CAPN12: variants seen among roughly 807,000 people sequenced by gnomAD.
CAPN12 encodes the protein calpain-12.
In CAPN12, 107 loss-of-function variants were observed where a neutral mutation model predicts 95.0. The ratio of observed to expected loss-of-function variants is 1.13; its 90% CI spans 0.96 to 1.32. CAPN12 has a LOEUF of 1.32. Ranked by LOEUF, CAPN12 falls within the 40% of genes most tolerant of loss-of-function variation. The probability of loss-of-function intolerance (pLI) is 0.00; values close to 1 mark genes in which losing one functional copy is unlikely to be tolerated. For synonymous variants in CAPN12, 505 were observed against 415.5 expected (o/e 1.22, Z -2.62); for missense variants, 1,136 against 997.8 (o/e 1.14, Z -1.87).
At position 38,731,115 on chromosome 19, in the gene CAPN12, CAGGTG is replaced by C; in HGVS notation, c.2061_2065del (p.Thr688HisfsTer13). ...GCCGGGGTGGTACTCACAGAAGATGCAGGTGAGGTGGGCCACACAGGACACGAACC... is the reference window on the plus strand; with the variant it reads ...GCCGGGGTGGTACTCACAGAAGATGCAGGTGGGCCACACAGGACACGAACC... On this transcript the variant is annotated frameshift_variant, in exon 19 of 21. Transcript: ENST00000328867. LOFTEE classifies it high-confidence loss of function. The C allele has an allele frequency of 6.2e-7, 1 of 1,611,436 alleles. No individual in the cohort carries two copies. The highest frequency in any genetic ancestry group is 8.5e-7 in the Non-Finnish European group (1 of 1,179,306).
chr19:38,736,897 TG>T, intron 10 of CAPN12: 1 of 464,700 alleles, frequency 2.2e-6, no homozygotes, highest in Non-Finnish European at 3.8e-6. Context: ...CTCTGAGACC[TG>T]GCCCCCCAGC....
chr19:38,742,999 G>T (rs1970649744), intron 2 of CAPN12, 34 bp downstream of exon 2: 2 of 1,608,102 alleles, frequency 1.2e-6, no homozygotes, highest in Non-Finnish European at 1.7e-6. Flanking sequence ...AAACTAGCTG[G>T]ATCTGAGGAC....
intron 14 of CAPN12, chr19:38,735,095 G>A (rs1599894432): frequency 4.9e-6 from 3 of 606,758 alleles, no homozygotes; most frequent in East Asian, 5.5e-5. Flanking sequence ...GGGGTGGTCA[G>A]GGAGAGCTTC....
In CAPN12 at chr19:38,730,292, CAT is replaced by C. The variant is rs1969477039; in HGVS notation, c.*558_*559del. On this transcript the variant is annotated 3_prime_UTR_variant, in exon 21 of 21. Coordinates refer to ENST00000328867, the MANE Select transcript of CAPN12 (RefSeq NM_144691.4). ...GTCTCTCCTGCTCTCATAATGAAGA[CAT>C]AGCCGATTCTCTGCCCGGGCCCCTT... 1 of 162,962 alleles carries C rather than the reference CAT, an allele frequency of 6.1e-6. No homozygotes were observed. The highest frequency in any genetic ancestry group is 5.8e-5 in the Admixed American group (1 of 17,258). 10.1% of individuals were successfully genotyped at this position (162,962 alleles called of 1,614,324 possible). A position where few individuals can be genotyped will look rare whatever the true frequency, so the allele number is the denominator to read the frequency against.
At position 38,736,697 on chromosome 19, in the gene CAPN12, C is replaced by A; in HGVS notation, c.1363-134G>T. On this transcript the variant is annotated intron_variant, in intron 10 of 20. Coordinates refer to ENST00000328867, the MANE Select transcript of CAPN12 (RefSeq NM_144691.4). ...CTATTAGACCCTTATTGAACCTTTGCCCCGCAGTCCCCGACCCAGGCCCTC... is the reference window on the plus strand; with the variant it reads ...CTATTAGACCCTTATTGAACCTTTGACCCGCAGTCCCCGACCCAGGCCCTC... 8.1e-6 allele frequency: 9 copies of A among 1,107,798 alleles called. 1 individual carries two copies. Among genetic ancestry groups the A allele is most frequent in the Non-Finnish European group, 1.1e-5 (9 of 792,282 alleles). 68.6% of individuals were successfully genotyped at this position (1,107,798 alleles called of 1,614,324 possible). A position where few individuals can be genotyped will look rare whatever the true frequency, so the allele number is the denominator to read the frequency against.
intron 18 of CAPN12, chr19:38,731,558 T>G (rs1403312077): frequency 2.7e-6 from 1 of 369,532 alleles, no homozygotes; most frequent in East Asian, 5.2e-5. Context: ...GATATTTCTG[T>G]GCAGCAAAAA....
chr19:38,735,596 C>A (rs1303390807), intron 12 of CAPN12, 52 bp from the exon 13 acceptor site: 1 of 1,582,962 alleles, frequency 6.3e-7, no homozygotes, highest in Non-Finnish European at 8.6e-7. Flanking sequence ...CCAGCTGGGG[C>A]TGTGTGGGAC....
rs1364349322 is a variant in CAPN12 at position 38,731,020 on chromosome 19, T to G, written c.2078A>C (p.His693Pro). The change falls in exon 20 of 21, where the codon CAC (histidine) becomes CCC (proline). Residue 693 changes from histidine (H) to proline (P), a missense_variant. His to Pro is a moderately conservative substitution (Grantham distance 77). Transcript: ENST00000328867. ...ACCCCCATCCAGGTGCTGGCTGCAGTGGCCTGTGCAGAGAGGGGCAGGGTG... is the reference window on the plus strand; with the variant it reads ...ACCCCCATCCAGGTGCTGGCTGCAGGGGCCTGTGCAGAGAGGGGCAGGGTG... ...CVAHLTCIFCHCSQHLDGGEG... is the reference protein window; with the variant it reads ...CVAHLTCIFCPCSQHLDGGEG... 1 of 1,554,168 alleles carries G rather than the reference T, an allele frequency of 6.4e-7. No homozygotes were observed. Among genetic ancestry groups the G allele is most frequent in the South Asian group, 1.2e-5 (1 of 84,450 alleles).
chr19:38,738,768 G>T (rs1352683375), intron 5 of CAPN12, 120 bp from the exon 6 acceptor site: 2 of 795,050 alleles, frequency 2.5e-6, no homozygotes, highest in African/African-American at 1.7e-5. Flanking sequence ...TGAATGGCAC[G>T]CAGCTCAGAG....
In CAPN12 at chr19:38,737,270, C is replaced by A. The variant is rs751118290; in HGVS notation, c.1248G>T (p.Ala416=). 1.9e-6 allele frequency: 3 copies of A among 1,545,472 alleles called. No homozygotes were observed. The highest frequency in any genetic ancestry group is 2.6e-6 in the Non-Finnish European group (3 of 1,145,636). The stretch of plus-strand genomic sequence containing the variant: ...TGCACTTGGGCGTGCGGCCCCCCCG[C>A]GCTGGGCCCCGTGCCCCTGCAGCCC... ...GWGAAGARGP[A]RGGRTPKCTV... is the part of the protein sequence containing the mutation. The change falls in exon 10 of 21, where the codon GCG becomes GCT. Residue 416 remains alanine, a synonymous_variant. Transcript: ENST00000328867.
Position 38,730,523 on chromosome 19 carries a change from TAAG to T in CAPN12, c.*326_*328del, listed in dbSNP as rs1334298190. On this transcript the variant is annotated 3_prime_UTR_variant, in exon 21 of 21. Coordinates refer to ENST00000328867, the MANE Select transcript of CAPN12 (RefSeq NM_144691.4). ...AGGATAATAAAACATGTAATATTTT[TAAG>T]AAGGATTCCTGCAGCATCATCTTTT... The T allele has an allele frequency of 1.8e-5, 7 of 397,864 alleles. No individual in the cohort carries two copies. The highest frequency in any genetic ancestry group is 1.6e-4 in the South Asian group (4 of 24,524). 24.6% of individuals were successfully genotyped at this position (397,864 alleles called of 1,614,324 possible).
At chr19:38,731,493 G>C in intron 18 of CAPN12, 2 of 520,242 alleles carry the variant, frequency 3.8e-6, no homozygotes, top group South Asian at 4.3e-5. Flanking sequence ...CGATGTGTGG[G>C]TACTGTTACT....
In CAPN12 at chr19:38,730,840, C is replaced by T; in HGVS notation, c.*12G>A. On this transcript the variant is annotated 3_prime_UTR_variant, in exon 21 of 21. Transcript: ENST00000328867. ...CCCTGCCCTGAGCAGCAGGTGCGCC[C>T]ATCCGGAGATCCTAGGAGAAGGTGG... 1.9e-6 allele frequency: 3 copies of T among 1,550,962 alleles called. No homozygotes were observed. The highest frequency in any genetic ancestry group is 2.6e-6 in the Non-Finnish European group (3 of 1,147,208).
At position 38,739,999 on chromosome 19, in the gene CAPN12, G is replaced by A. The variant is rs1970451949; in HGVS notation, c.729+52C>T. 5 of 1,489,484 alleles carry A rather than the reference G, an allele frequency of 3.4e-6. No homozygotes were observed. In the South Asian group the frequency reaches 6.9e-5, roughly 20 times the overall value. The allele number at this position is 1,489,484 out of a possible 1,614,324, so 92.3% of individuals were successfully genotyped here. On this transcript the variant is annotated intron_variant, in intron 5 of 20. Coordinates refer to ENST00000328867, the MANE Select transcript of CAPN12 (RefSeq NM_144691.4). ...ACTCCGCCCACCCCACCACACCCCT[G>A]ACTGTGCTCTGGTCCTGGTGGGGGT...
At chr19:38,740,836 G>A (rs1432295406) in intron 4 of CAPN12, among the ~76,000 whole-genome samples, 2 of 151,920 alleles carry the variant, frequency 1.3e-5, no homozygotes, top group Non-Finnish European at 2.9e-5. Context: ...TTGACGGGGG[G>A]AACTGTGGCA....
intron 11 of CAPN12, 57 bp downstream of exon 11, chr19:38,736,494 CA>C: frequency 3.8e-6 from 6 of 1,568,426 alleles, no homozygotes; most frequent in African/African-American, 1.4e-5. Flanking sequence ...GCAGGTTGAC[CA>C]AGCCCCAGGG....
rs902358711 is a variant in CAPN12, at chr19:38,730,728, GGCCAGAGACTAGCCCCAGACAGGTGGAT to G, written c.*96_*123del. ...TGGTCACCCGGCCGTGAGCAGTGAG[GGCCAGAGACTAGCCCCAGACAGGTGGAT>G]GCCAGAGAGAGTGGCACCCATGCCA... is the stretch of plus-strand genomic sequence containing the variant. On this transcript the variant is annotated 3_prime_UTR_variant, in exon 21 of 21. Coordinates refer to ENST00000328867, the MANE Select transcript of CAPN12 (RefSeq NM_144691.4). 300 of 1,251,576 alleles carry G rather than the reference GGCCAGAGACTAGCCCCAGACAGGTGGAT, an allele frequency of 2.4e-4. No homozygotes were observed. The Middle Eastern group carries it at 2.4e-3, about 10-fold the overall frequency. 77.5% of individuals were successfully genotyped at this position (1,251,576 alleles called of 1,614,324 possible).
chr19:38,736,453 C>A lies in CAPN12; in HGVS notation c.1374+99G>T, dbSNP rs528979809. 104 of 1,465,414 alleles carry A rather than the reference C, an allele frequency of 7.1e-5. 1 individual carries two copies. In the Admixed American group the frequency reaches 1.3e-3, roughly 19 times the overall value. 90.8% of individuals were successfully genotyped at this position (1,465,414 alleles called of 1,614,324 possible). A position where few individuals can be genotyped will look rare whatever the true frequency, so the allele number is the denominator to read the frequency against. ...GCCCCCGGACCCGGCTCTGCCCCCC[C>A]ACCCCCAGGGCAGTTTGACCAAGCC... On this transcript the variant is annotated intron_variant, in intron 11 of 20. Coordinates refer to ENST00000328867, the MANE Select transcript of CAPN12 (RefSeq NM_144691.4).
intron 5 of CAPN12, 63 bp downstream of exon 5, chr19:38,739,988 A>C (rs1030461528): frequency 2.1e-6 from 3 of 1,461,164 alleles, no homozygotes; most frequent in Non-Finnish European, 1.8e-6. Flanking sequence ...CGCCCACCCC[A>C]CCACACCCCT....
Sources: gnomAD v4.1 joint callset for allele counts (sites outside exome capture counted in the v4.1 genomes callset) on GRCh38, gnomAD v4.1.1 for gene constraint, MANE v1.5 for transcripts, NCBI Gene and HGNC (gene_info 2026-07-23, HGNC 2026-07-21) for gene names.